Variants in NTM observed in about 807,000 individuals in gnomAD.
NTM encodes the protein neurotrimin, also known as IgLON family member 2.
NTM carries 13 observed loss-of-function variants against 42.1 expected under a neutral mutation model. The observed-to-expected ratio is 0.31, with a 90% CI of 0.20 to 0.49. The LOEUF is 0.49. Among genes scored for constraint, NTM ranks in the 20% least tolerant of loss-of-function variants. The probability of loss-of-function intolerance (pLI) is 0.99; values close to 1 mark genes in which losing one functional copy is unlikely to be tolerated. For missense variants in NTM, 373 were observed against 452.8 expected (o/e 0.82, Z 1.60); for synonymous variants, 187 against 179.2 (o/e 1.04, Z -0.35).
chr11:131,722,440 G>T (rs2135409868), intron 1 of NTM, among the ~76,000 whole-genome samples: 1 of 152,344 alleles, frequency 6.6e-6, no homozygotes, highest in Middle Eastern at 3.4e-3. Flanking sequence ...GAACCAGTTT[G>T]TCAGGGAATT....
intron 1 of NTM, among the ~76,000 whole-genome samples, chr11:131,871,760 T>G (rs1173791072): frequency 6.6e-6 from 1 of 152,184 alleles, no homozygotes; most frequent in Non-Finnish European, 1.5e-5. Flanking sequence ...TAGGCCACCC[T>G]GCCCTGGGCT....
At chr11:131,538,678 G>C (rs2052665886) in intron 1 of NTM, 1 of 152,242 alleles carries the variant, frequency 6.6e-6, no homozygotes. Context: ...ACACGAAGCA[G>C]TAAGGAGCAA....
At chr11:131,958,585 C>A (rs2061801793) in intron 2 of NTM, among the ~76,000 whole-genome samples, 1 of 152,184 alleles carries the variant, frequency 6.6e-6, no homozygotes, top group Non-Finnish European at 1.5e-5. Context: ...CCTTCCTCCA[C>A]CCCAATTTGT....
At chr11:131,543,873 T>A (rs2136831271) in intron 1 of NTM, among the ~76,000 whole-genome samples, 1 of 152,324 alleles carries the variant, frequency 6.6e-6, no homozygotes, top group South Asian at 2.1e-4. Context: ...AGTTTGCTCA[T>A]TCTAATTAAT....
chr11:131,467,763 G>GTTTATTTAT (rs1952030510), intron 1 of NTM, among the ~76,000 whole-genome samples: 1 of 152,214 alleles, frequency 6.6e-6, no homozygotes, highest in African/African-American at 2.4e-5. Flanking sequence ...TTATTTTGGT[G>GTTTATTTAT]GAGTGTGTGC....
intron 1 of NTM, among the ~76,000 whole-genome samples, chr11:131,376,590 G>A (rs1276839206): frequency 6.6e-6 from 1 of 151,892 alleles, no homozygotes; most frequent in East Asian, 1.9e-4. Context: ...AAGAGAGACT[G>A]TCAAGCTAAG....
At chr11:132,269,205 G>A (rs530120453) in intron 4 of NTM, among the ~76,000 whole-genome samples, 1 of 152,304 alleles carries the variant, frequency 6.6e-6, no homozygotes, top group East Asian at 1.9e-4. Context: ...TATGGAAGTT[G>A]TTCAACTACC....
intron 1 of NTM, among the ~76,000 whole-genome samples, chr11:131,683,956 C>T (rs770802330): frequency 2.6e-5 from 4 of 152,132 alleles, no homozygotes; most frequent in Admixed American, 6.5e-5. Context: ...GAAGGGCAGG[C>T]GGTGGCAAGA....
At chr11:131,893,843 C>T (rs34398788) in intron 1 of NTM, among the ~76,000 whole-genome samples, 16,141 of 152,010 alleles carry the variant, frequency 0.11, 981 homozygotes, top group African/African-American at 0.17. Context: ...GAAAGGTGGC[C>T]ACCTTTCTTC....
rs2079167903 is a variant in NTM, at chr11:131,728,068, T to C, written c.83-183496T>C. On this transcript the variant is annotated intron_variant, in intron 1 of 8. Coordinates refer to ENST00000683400, the MANE Select transcript of NTM (RefSeq NM_001352005.2). ...TACCTGCTCAGCCAGGATCCCTCTT[T>C]AGGTGTTCATTAGTATAGTGGAATG... Among the ~76,000 whole-genome samples the C allele has an allele frequency of 2.0e-5, 3 of 152,160 alleles. No homozygotes were observed. In the South Asian group the frequency reaches 6.2e-4, roughly 32 times the overall value.
intron 1 of NTM, among the ~76,000 whole-genome samples, chr11:131,798,793 A>G (rs1399444068): frequency 6.6e-6 from 1 of 152,186 alleles, no homozygotes; most frequent in African/African-American, 2.4e-5. Context: ...CCTTCCCTGT[A>G]GATGGATAAT....
At chr11:131,432,365 A>T (rs1948722052) in intron 1 of NTM, among the ~76,000 whole-genome samples, 2 of 152,212 alleles carry the variant, frequency 1.3e-5, no homozygotes, top group African/African-American at 4.8e-5. Flanking sequence ...AATTGTGATG[A>T]GTGCTCAGTA....
At chr11:131,992,590 C>G (rs896163300) in intron 2 of NTM, among the ~76,000 whole-genome samples, 2 of 152,138 alleles carry the variant, frequency 1.3e-5, no homozygotes, top group African/African-American at 4.8e-5. Flanking sequence ...TTATTCTCCT[C>G]TTTATGCAGA....
chr11:131,507,975 G>A (rs2047709251), intron 1 of NTM, among the ~76,000 whole-genome samples: 1 of 152,112 alleles, frequency 6.6e-6, no homozygotes, highest in African/African-American at 2.4e-5. Context: ...ATAGGCACGG[G>A]CAAGGACTTC....
chr11:131,390,747 TC>T (rs1426318040), intron 1 of NTM, among the ~76,000 whole-genome samples: 1 of 151,964 alleles, frequency 6.6e-6, no homozygotes. Context: ...AGCATCAGGG[TC>T]CCCTGGCACT....
At chr11:131,870,020 A>G (rs188364255) in intron 1 of NTM, among the ~76,000 whole-genome samples, 1 of 152,364 alleles carries the variant, frequency 6.6e-6, no homozygotes, top group African/African-American at 2.4e-5. Flanking sequence ...TGGAAAACAG[A>G]CACAGGAAGT....
At chr11:132,250,744 C>T (rs1199050185) in intron 4 of NTM, among the ~76,000 whole-genome samples, 3 of 151,926 alleles carry the variant, frequency 2.0e-5, no homozygotes, top group Non-Finnish European at 2.9e-5. Context: ...TGCTAGTTAC[C>T]TTTAATAGGT....
chr11:131,621,068 T>C (rs1250708949), intron 1 of NTM, among the ~76,000 whole-genome samples: 1 of 152,184 alleles, frequency 6.6e-6, no homozygotes, highest in African/African-American at 2.4e-5. Context: ...TGATGTAGCA[T>C]GTGAGAGCAG....
At chr11:131,732,062 C>T (rs2079767711) in intron 1 of NTM, among the ~76,000 whole-genome samples, 1 of 152,166 alleles carries the variant, frequency 6.6e-6, no homozygotes, top group South Asian at 2.1e-4. Flanking sequence ...AACTCAAACT[C>T]TCTGGACCCC....
Sources: allele counts gnomAD v4.1 joint callset (sites outside exome capture counted in the v4.1 genomes callset), GRCh38; gene constraint gnomAD v4.1.1; transcripts MANE v1.5; gene names NCBI Gene and HGNC (gene_info 2026-07-23, HGNC 2026-07-21).